The following SGSH variants were observed in gnomAD, a reference collection of about 807,000 sequenced individuals.
SGSH encodes the protein heparan sulfate sulfatase.
SGSH carries 48 observed loss-of-function variants against 51.0 expected under a neutral mutation model. The observed-to-expected ratio is 0.94, with a 90% confidence interval of 0.75 to 1.20. The LOEUF (loss-of-function observed/expected upper bound fraction) is 1.20, where lower values mean the gene tolerates loss of function less well. Ranked by LOEUF, SGSH falls within the 50% of genes most tolerant of loss-of-function variation. The pLI, the probability that SGSH is intolerant of heterozygous loss-of-function variation, is 0.00. For missense variants in SGSH, 662 were observed against 717.8 expected (o/e 0.92, Z 0.89); for synonymous variants, 321 against 313.4 (o/e 1.02, Z -0.26).
At chr17:80,214,418 G>T in intron 4 of SGSH, 90 bp from the exon 5 acceptor site, 1 of 1,463,134 alleles carries the variant, frequency 6.8e-7, no homozygotes, top group Non-Finnish European at 9.2e-7. Flanking sequence ...CTCTGTATCT[G>T]GAAGTCAACC....
At chr17:80,214,829 C>T in intron 3 of SGSH, 64 bp from the exon 4 acceptor site, 9 of 1,578,040 alleles carry the variant, frequency 5.7e-6, no homozygotes, top group Non-Finnish European at 7.8e-6. Context: ...GCTCCCTTCT[C>T]TGCCCCTCTC....
At chr17:80,205,737 G>C, downstream of SGSH, 1 of 1,378,990 alleles carries the variant, frequency 7.3e-7, no homozygotes. Flanking sequence ...TAAAGGTACA[G>C]GGACCGACCT....
At chr17:80,201,912 G>T, downstream of SGSH, 1 of 1,572,892 alleles carries the variant, frequency 6.4e-7, no homozygotes, top group South Asian at 1.2e-5. The surrounding 1 kb of genome is among the most constrained non-coding windows in gnomAD (Gnocchi z 5.0). Context: ...TGCCTGGCCA[G>T]ACTCCATGAC....
chr17:80,210,463 T>C lies in SGSH; in HGVS notation c.1498A>G (p.Asn500Asp). Residue 500 changes from asparagine (N) to aspartate (D), a missense_variant, in exon 8 of 8, where the codon AAT becomes GAT. By Grantham distance (23) the Asn-to-Asp change is conservative (BLOSUM62 1). Coordinates refer to ENST00000326317, the MANE Select transcript of SGSH (RefSeq NM_000199.5). ...KLSPQCQPLH[N>D]EL The stretch of plus-strand genomic sequence containing the variant: ...GCCTCCTGGGATGGTCACAGCTCAT[T>C]GTGGAGGGGCTGGCACTGGGGAGAG... The C allele has an allele frequency of 6.3e-7, 1 of 1,595,422 alleles. No homozygotes were observed. Among genetic ancestry groups the C allele is most frequent in the Non-Finnish European group, 8.5e-7 (1 of 1,176,132 alleles).
chr17:80,211,096 G>A, intron 7 of SGSH, 85 bp from the exon 8 acceptor site: 1 of 1,561,876 alleles, frequency 6.4e-7, no homozygotes, highest in African/African-American at 1.4e-5. Context: ...CGCCACTCTG[G>A]GCGGCTCCCT....
intron 1 of SGSH, 99 bp from the exon 2 acceptor site, chr17:80,217,291 A>G: frequency 7.1e-7 from 1 of 1,403,738 alleles, no homozygotes; most frequent in African/African-American, 1.4e-5. Flanking sequence ...AGAAGGCGAG[A>G]CACCCAGGTG....
At chr17:80,205,888 G>A (rs2041272763), downstream of SGSH, 2 of 449,994 alleles carry the variant, frequency 4.4e-6, no homozygotes, top group Non-Finnish European at 3.9e-6. Flanking sequence ...CAGCTTGGGG[G>A]ATGTTTAATA....
chr17:80,201,794 G>A (rs1003951860), downstream of SGSH: 6 of 1,613,866 alleles, frequency 3.7e-6, no homozygotes, highest in Admixed American at 6.7e-5. This position sits in a 1 kb window ranked among gnomAD's most constrained non-coding sequence, Gnocchi z 5.0. Context: ...TGGAGGACAC[G>A]ACCCTGGAGG....
downstream of SGSH, chr17:80,205,195 G>C (rs757431534): frequency 6.2e-7 from 1 of 1,612,268 alleles, no homozygotes; most frequent in Admixed American, 1.7e-5. Context: ...GGTTTAAGAA[G>C]TGCCTGGCAG....
downstream of SGSH, chr17:80,208,402 C>T (rs1567910027): frequency 2.1e-6 from 3 of 1,444,244 alleles, no homozygotes; most frequent in Non-Finnish European, 2.8e-6. Flanking sequence ...TAATGCAGTC[C>T]TGTTCCTCAG....
Position 80,210,955 on chromosome 17 carries a change from A to G in SGSH, c.1006T>C (p.Phe336Leu). The part of the protein sequence containing the change: ...FSIPYPSYAI[F>L]GSKTIHLTGR... The stretch of plus-strand genomic sequence containing the variant: ...GTGAGGTGGATGGTCTTCGAGCCAA[A>G]GATGGCGTAGCTGGGGTACGGGATC... The change falls in exon 8 of 8, where the codon TTT (phenylalanine) becomes CTT (leucine). Residue 336 changes from phenylalanine (F) to leucine (L), a missense_variant. Physicochemically the swap from Phe to Leu is conservative, Grantham distance 22 (BLOSUM62 0). Coordinates refer to ENST00000326317, the MANE Select transcript of SGSH (RefSeq NM_000199.5). The G allele has an allele frequency of 6.2e-7, 1 of 1,603,028 alleles. No individual in the cohort carries two copies. The highest frequency in any genetic ancestry group is 8.5e-7 in the Non-Finnish European group (1 of 1,179,894).
At position 80,210,627 on chromosome 17, in the gene SGSH, G is replaced by A; in HGVS notation, c.1334C>T (p.Pro445Leu). ...RWELYDRSRD[P>L]HETQNLATDP... is the part of the protein sequence containing the mutation. ...GGTGGCCAGGTTCTGGGTCTCGTGG[G>A]GGTCCCGGCTCCGGTCGTAGAGCTC... The change falls in exon 8 of 8, where the codon CCC becomes CTC. Residue 445 changes from proline to leucine, a missense_variant. Pro to Leu is a moderately conservative substitution (Grantham distance 98). Transcript: ENST00000326317. 6.2e-7 allele frequency: 1 copy of A among 1,613,858 alleles called. No homozygotes were observed. Among genetic ancestry groups the A allele is most frequent in the South Asian group, 1.1e-5 (1 of 91,084 alleles).
downstream of SGSH, chr17:80,205,345 G>T (rs2041239393): frequency 8.7e-7 from 1 of 1,146,938 alleles, no homozygotes; most frequent in East Asian, 2.6e-5. Context: ...GCTGTGTCCA[G>T]ATAGTTCAGG....
chr17:80,217,005 C>G, intron 2 of SGSH, 27 bp downstream of exon 2: 2 of 1,529,648 alleles, frequency 1.3e-6, no homozygotes, highest in Non-Finnish European at 8.8e-7. Flanking sequence ...CCCTGCCCAC[C>G]CCCTCCTCCC....
chr17:80,220,154 G>T (rs912013789), intron 1 of SGSH, 72 bp downstream of exon 1: 2 of 1,131,094 alleles, frequency 1.8e-6, no homozygotes, highest in Non-Finnish European at 2.5e-6. Flanking sequence ...TTGACCACGG[G>T]TGGGGAGGAG....
downstream of SGSH, chr17:80,202,249 T>C (rs1426824629): frequency 2.5e-6 from 4 of 1,613,932 alleles, no homozygotes; most frequent in Middle Eastern, 1.6e-4. Flanking sequence ...TACATCCGGG[T>C]CAACCTGGCC....
In SGSH at chr17:80,212,665, A is replaced by G. The variant is rs2041716318; in HGVS notation, c.746-391T>C. On this transcript the variant is annotated intron_variant, in intron 6 of 7. Coordinates refer to ENST00000326317, the MANE Select transcript of SGSH (RefSeq NM_000199.5). The surrounding 1 kb of genome is among the most constrained non-coding windows in gnomAD (Gnocchi z 5.9). ...CTCGCTCCTTCCCAGCTGGGGCCAG[A>G]GGACAAGGCTTCCTCTATACCCGCT... 2 of 356,394 alleles carry G rather than the reference A, an allele frequency of 5.6e-6. No homozygotes were observed. Among genetic ancestry groups the G allele is most frequent in the Admixed American group, 3.9e-5 (1 of 25,428 alleles). The allele number at this position is 356,394 out of a possible 1,614,324, so 22.1% of individuals were successfully genotyped here.
chr17:80,215,549 G>T lies in SGSH; in HGVS notation c.250-411C>A, dbSNP rs773332533. Among the ~76,000 whole-genome samples the T allele has an allele frequency of 6.4e-4, 97 of 152,248 alleles. 1 individual carries two copies. Among genetic ancestry groups the T allele is most frequent in the Non-Finnish European group, 7.2e-4 (49 of 68,044 alleles). On this transcript the variant is annotated intron_variant, in intron 2 of 7. Coordinates refer to ENST00000326317, the MANE Select transcript of SGSH (RefSeq NM_000199.5). ...AAAACTCAGACTGCCGGCCGGGCGT[G>T]GTGGCTCACGCCTGTAATCCCGGCA...
downstream of SGSH, chr17:80,202,543 G>A: frequency 6.8e-7 from 1 of 1,472,198 alleles, no homozygotes; most frequent in Non-Finnish European, 9.0e-7. Context: ...ACCCCCCTAA[G>A]GAGGGAAGCC....
Sources: gnomAD v4.1 joint callset for allele counts (sites outside exome capture counted in the v4.1 genomes callset) on GRCh38, gnomAD v4.1.1 for gene constraint, Gnocchi (gnomAD v3.1) non-coding constraint, MANE v1.5 for transcripts, NCBI Gene and HGNC (gene_info 2026-07-23, HGNC 2026-07-21) for gene names.